Variants in MPP3 observed in about 807,000 individuals in gnomAD.
The protein encoded by MPP3 is MAGUK p55 scaffold protein 3, also known as MAGUK p55 subfamily member 3.
In MPP3, 48 loss-of-function variants were observed where a neutral mutation model predicts 80.7. That is an observed-to-expected ratio of 0.59 (90% confidence interval 0.47 to 0.76). MPP3 has a LOEUF of 0.76. Ranked by LOEUF, MPP3 falls within the 30% of genes least tolerant of loss-of-function variation. MPP3 has a pLI of 0.00. For missense variants in MPP3, 620 were observed against 763.0 expected (o/e 0.81, Z 2.21); for synonymous variants, 311 against 297.6 (o/e 1.04, Z -0.46).
chr17:43,810,188 TA>T (rs2044788067), intron 18 of MPP3, among the ~76,000 whole-genome samples: 1 of 152,126 alleles, frequency 6.6e-6, no homozygotes, highest in Admixed American at 6.6e-5. Context: ...TCTGTTTCTA[TA>T]GAGGGGAAAA....
In MPP3 at chr17:43,829,709, T is replaced by C. The variant is rs750670179; in HGVS notation, c.386A>G (p.Asp129Gly). The change falls in exon 7 of 20, where the codon GAT becomes GGT. Residue 129 changes from aspartate (D) to glycine (G), a missense_variant. Asp to Gly is a moderately conservative substitution (Grantham distance 94). Transcript: ENST00000398389. ...GATCTTCACCGATTCCTCATCAAAATCCTCATCGATATTGTCAGGCAGAGG... is the reference window on the plus strand; with the variant it reads ...GATCTTCACCGATTCCTCATCAAAACCCTCATCGATATTGTCAGGCAGAGG... ...LPPLPDNIDE[D>G]FDEESVKIVR... 51 of 1,614,002 alleles carry C rather than the reference T, an allele frequency of 3.2e-5. No homozygotes were observed. Among genetic ancestry groups the C allele is most frequent in the Non-Finnish European group, 3.9e-5 (46 of 1,180,004 alleles).
chr17:43,825,777 G>T lies in MPP3; in HGVS notation c.588C>A (p.Pro196=), dbSNP rs375141612. 4 of 1,612,660 alleles carry T rather than the reference G, an allele frequency of 2.5e-6. No homozygotes were observed. The highest frequency in any genetic ancestry group is 3.4e-6 in the Non-Finnish European group (4 of 1,178,712). Residue 196 remains proline (P), a synonymous_variant, in exon 9 of 20, where the codon CCC becomes CCA. Coordinates refer to ENST00000398389, the MANE Select transcript of MPP3 (RefSeq NM_001932.6). The part of the protein sequence containing the change: ...VNGIAVLHKR[P]DEISQILAQS... ...GGACCAGAATCTGGCTGATCTCGTC[G>T]GGCCGCTTGTGCAGGACTGCGATCC...
intron 16 of MPP3, among the ~76,000 whole-genome samples, chr17:43,812,862 G>C (rs1878246753): frequency 6.6e-6 from 1 of 152,152 alleles, no homozygotes; most frequent in African/African-American, 2.4e-5. Context: ...TCCATCACAG[G>C]TGTGCTGCCA....
At chr17:43,802,580 A>G (rs2044455500) in intron 19 of MPP3, among the ~76,000 whole-genome samples, 1 of 152,262 alleles carries the variant, frequency 6.6e-6, no homozygotes, top group Non-Finnish European at 1.5e-5. Flanking sequence ...TCCATCTTAC[A>G]CAATGTGGGC....
Position 43,831,634 on chromosome 17 carries a change from A to G in MPP3, c.69T>C (p.Pro23=). The change falls in exon 4 of 20, where the codon CCT becomes CCC. Residue 23 remains proline, a synonymous_variant. Transcript: ENST00000398389. ...TLALLTSQLR[P]DSNHKEEMGF... ...CCATCTCCTCCTTGTGGTTGGAGTC[A>G]GGTCTGAGCTGGGAGGTCAGCAGGG... The G allele has an allele frequency of 6.2e-7, 1 of 1,613,826 alleles. No individual in the cohort carries two copies. The highest frequency in any genetic ancestry group is 8.5e-7 in the Non-Finnish European group (1 of 1,179,782).
At position 43,816,661 on chromosome 17, in the gene MPP3, T is replaced by C. The variant is rs1324162419; in HGVS notation, c.967+16A>G. ...AGGGGCCACGCCTGTGGACAGCGGATAGATACTGGGCCTACCTTTGTCACA... is the reference window on the plus strand; with the variant it reads ...AGGGGCCACGCCTGTGGACAGCGGACAGATACTGGGCCTACCTTTGTCACA... On this transcript the variant is annotated intron_variant, in intron 13 of 19. Transcript: ENST00000398389. The C allele has an allele frequency of 2.5e-6, 4 of 1,570,812 alleles. No homozygotes were observed. The highest frequency in any genetic ancestry group is 2.3e-5 in the East Asian group (1 of 42,880).
chr17:43,829,703 T>C lies in MPP3; in HGVS notation c.392A>G (p.Asp131Gly), dbSNP rs1266939067. The C allele has an allele frequency of 1.2e-6, 2 of 1,613,914 alleles. No individual in the cohort carries two copies. The highest frequency in any genetic ancestry group is 1.3e-5 in the African/African-American group (1 of 74,850). The change falls in exon 7 of 20, where the codon GAT becomes GGT. Residue 131 changes from aspartate to glycine, a missense_variant. By Grantham distance (94) the Asp-to-Gly change is moderately conservative. Transcript: ENST00000398389. ...PLPDNIDEDF[D>G]EESVKIVRLV... ...GCGGACGATCTTCACCGATTCCTCA[T>C]CAAAATCCTCATCGATATTGTCAGG...
Position 43,823,968 on chromosome 17 carries a change from G to A in MPP3, c.647C>T (p.Pro216Leu), listed in dbSNP as rs1470140920. ...SQGSITLKII[P>L]ATQEEDRLKE... Reference sequence around the variant, plus strand: ...TAAGCGATCTTCCTCCTGGGTGGCTGGGATGATTTTTAGGGTGATGGATCC... The same window carrying A: ...TAAGCGATCTTCCTCCTGGGTGGCTAGGATGATTTTTAGGGTGATGGATCC... The change falls in exon 10 of 20, where the codon CCA (proline) becomes CTA (leucine). Residue 216 changes from proline to leucine, a missense_variant. Transcript: ENST00000398389. 3 of 1,608,934 alleles carry A rather than the reference G, an allele frequency of 1.9e-6. No individual in the cohort carries two copies. The highest frequency in any genetic ancestry group is 3.4e-5 in the Admixed American group (2 of 59,310).
chr17:43,814,368 A>AGGAGGGGC lies in MPP3; in HGVS notation c.1010-15_1010-8dup, dbSNP rs1300080769. ...AAGCTCCTCCGAAGACCAGCTTGGG[A>AGGAGGGGC]GGAGGGGCAGAGGGACACCATGGCA... On this transcript the variant is annotated splice_polypyrimidine_tract_variant and splice_region_variant and intron_variant, in intron 14 of 19. Coordinates refer to ENST00000398389, the MANE Select transcript of MPP3 (RefSeq NM_001932.6). 1.3e-6 allele frequency: 2 copies of AGGAGGGGC among 1,594,574 alleles called. No individual in the cohort carries two copies. The highest frequency in any genetic ancestry group is 3.4e-5 in the Admixed American group (2 of 58,802).
In MPP3 at chr17:43,827,769, C is replaced by T; in HGVS notation, c.505G>A (p.Gly169Ser). The change falls in exon 8 of 20, where the codon GGC (glycine) becomes AGC (serine). Residue 169 changes from glycine to serine, a missense_variant. Transcript: ENST00000398389. ...CACTCACCGCTCCTGTCTGCTGCGCCTCCTCGCATGATCCTGGCCACCACA... is the reference window on the plus strand; with the variant it reads ...CACTCACCGCTCCTGTCTGCTGCGCTTCCTCGCATGATCCTGGCCACCACA... ...AVVVARIMRG[G>S]AADRSGLVHV... 1 of 1,612,268 alleles carries T rather than the reference C, an allele frequency of 6.2e-7. No homozygotes were observed. Among genetic ancestry groups the T allele is most frequent in the South Asian group, 1.1e-5 (1 of 91,086 alleles).
At chr17:43,825,357 G>A in intron 9 of MPP3, 1 of 168,302 alleles carries the variant, frequency 5.9e-6, no homozygotes, top group South Asian at 1.7e-4. Context: ...CCACACATTG[G>A]TTGAGAAAGA....
At chr17:43,802,698 C>A (rs2044460246) in intron 19 of MPP3, among the ~76,000 whole-genome samples, 1 of 152,186 alleles carries the variant, frequency 6.6e-6, no homozygotes, top group African/African-American at 2.4e-5. Context: ...CAGGCCCATT[C>A]TAAGTAAAAT....
rs2045894279 is a variant in MPP3 at position 43,830,060 on chromosome 17, C to T, written c.270G>A (p.Glu90=). The T allele has an allele frequency of 1.9e-6, 3 of 1,590,852 alleles. No individual in the cohort carries two copies. Among genetic ancestry groups the T allele is most frequent in the Admixed American group, 3.5e-5 (2 of 56,466 alleles). ...GCGGGGTGGACAGCAGCTGGAGCAG[C>T]TCCCTCTCATCACTGTGCACGGAGG... ...QAASVHSDER[E]LLQLLSTPHL... Residue 90 remains glutamate, a synonymous_variant, in exon 6 of 20, where the codon GAG becomes GAA. Transcript: ENST00000398389.
Position 43,813,994 on chromosome 17 carries a change from C to G in MPP3, c.1255+17G>C, listed in dbSNP as rs1295305199. ...GTGTGTGCAGACAAACACACACTCC[C>G]ACATGGGCCCTCTTACGTGGAACAG... is the stretch of plus-strand genomic sequence containing the variant. On this transcript the variant is annotated intron_variant, in intron 16 of 19. Coordinates refer to ENST00000398389, the MANE Select transcript of MPP3 (RefSeq NM_001932.6). 1 of 1,597,900 alleles carries G rather than the reference C, an allele frequency of 6.3e-7. No homozygotes were observed. Among genetic ancestry groups the G allele is most frequent in the Non-Finnish European group, 8.6e-7 (1 of 1,168,512 alleles).
intron 12 of MPP3, 98 bp downstream of exon 12, chr17:43,817,948 G>C: frequency 1.1e-6 from 1 of 934,316 alleles, no homozygotes; most frequent in South Asian, 1.7e-5. Flanking sequence ...GACCCCTGAT[G>C]CCCCCTCCAG....
intron 2 of MPP3, 82 bp from the exon 3 acceptor site, chr17:43,832,025 C>T (rs2143189411): frequency 1.2e-6 from 1 of 865,080 alleles, no homozygotes; most frequent in Admixed American, 2.1e-5. Context: ...CTACTGTGTT[C>T]TCTGAGACCA....
intron 14 of MPP3, 78 bp downstream of exon 14, chr17:43,815,960 C>T: frequency 7.6e-7 from 1 of 1,311,534 alleles, no homozygotes; most frequent in Non-Finnish European, 1.0e-6. Flanking sequence ...CTCAGATCAC[C>T]CTGCTTTGAC....
chr17:43,811,064 AAAAC>A (rs749091050), intron 17 of MPP3, 44 bp downstream of exon 17: 1 of 1,562,296 alleles, frequency 6.4e-7, no homozygotes, highest in Non-Finnish European at 8.8e-7. Context: ...TACAGATACA[AAAAC>A]ACACAACTGC....
In MPP3 at chr17:43,810,935, G is replaced by T. The variant is rs2044828619; in HGVS notation, c.1350-20C>A. 6.4e-7 allele frequency: 1 copy of T among 1,566,746 alleles called. No homozygotes were observed. On this transcript the variant is annotated intron_variant, in intron 17 of 19. Transcript: ENST00000398389. ...AGGAACCTAAAACACCACCAAAGGG[G>T]AAAAGGCCTTTAGTTCCTCAGCTTT...
Sources: gnomAD v4.1 joint callset for allele counts (sites outside exome capture counted in the v4.1 genomes callset) on GRCh38, gnomAD v4.1.1 for gene constraint, MANE v1.5 for transcripts, NCBI Gene and HGNC (gene_info 2026-07-23, HGNC 2026-07-21) for gene names.